Variants in CCDC148 observed in about 807,000 individuals in gnomAD.
CCDC148 encodes the protein coiled-coil domain containing 148, also known as coiled-coil domain-containing protein 148.
CCDC148 carries 89 observed loss-of-function variants against 85.7 expected under a neutral mutation model. The observed-to-expected ratio is 1.04, with a 90% confidence interval of 0.87 to 1.24. The LOEUF is 1.24. CCDC148 is among the 50% of genes most tolerant of loss of function. The pLI is 0.00. For synonymous variants in CCDC148, 230 were observed against 213.9 expected (o/e 1.08, Z -0.66); for missense variants, 692 against 671.7 (o/e 1.03, Z -0.33).
intron 7 of CCDC148, among the ~76,000 whole-genome samples, chr2:158,326,808 C>T (rs895013908): frequency 1.4e-4 from 22 of 152,164 alleles, no homozygotes; most frequent in Non-Finnish European, 2.9e-4. Flanking sequence ...GCATCTGGCT[C>T]CCCTCCCTCA....
At chr2:158,184,542 A>C (rs1685065756) in intron 11 of CCDC148, among the ~76,000 whole-genome samples, 2 of 152,142 alleles carry the variant, frequency 1.3e-5, no homozygotes, top group Admixed American at 1.3e-4. Context: ...AATTGTTCTT[A>C]ATAGTTTTTG....
At chr2:158,259,109 T>C (rs1689119815) in intron 9 of CCDC148, among the ~76,000 whole-genome samples, 1 of 151,736 alleles carries the variant, frequency 6.6e-6, no homozygotes, top group African/African-American at 2.4e-5. Context: ...GGAGTGTTCT[T>C]TCCCCCTCCC....
rs1378594487 is a variant in CCDC148, at chr2:158,406,803, TGTA to T, written c.26-48236_26-48234del. Among the ~76,000 whole-genome samples the T allele has an allele frequency of 3.3e-5, 5 of 151,752 alleles. 1 individual carries two copies. Among genetic ancestry groups the T allele is most frequent in the Admixed American group, 3.3e-4 (5 of 15,226 alleles). On this transcript the variant is annotated intron_variant, in intron 1 of 13. Transcript: ENST00000283233. The stretch of plus-strand genomic sequence containing the variant: ...ATGCCCAGCTAATGTTTGTATTACT[TGTA>T]GAGACAGGGTTTTGCCATGTTGCCT...
At chr2:158,407,842 A>C (rs1311409710) in intron 1 of CCDC148, among the ~76,000 whole-genome samples, 1 of 152,190 alleles carries the variant, frequency 6.6e-6, no homozygotes, top group Non-Finnish European at 1.5e-5. Flanking sequence ...TCTCAGAGGG[A>C]ATCTGTGACC....
At chr2:158,395,946 C>G (rs1249289414) in intron 1 of CCDC148, among the ~76,000 whole-genome samples, 2 of 152,092 alleles carry the variant, frequency 1.3e-5, no homozygotes, top group African/African-American at 4.8e-5. Flanking sequence ...AGTCTTTATA[C>G]AACATTTAAT....
At chr2:158,216,386 C>CCTT (rs1349261377) in intron 11 of CCDC148, among the ~76,000 whole-genome samples, 12 of 59,468 alleles carry the variant, frequency 2.0e-4, no homozygotes, top group Non-Finnish European at 3.2e-4. Flanking sequence ...AAGCACAATA[C>CCTT]TTTTTTTTTT....
Position 158,313,855 on chromosome 2 carries a change from C to G in CCDC148, c.804G>C (p.Gln268His). Residue 268 changes from glutamine to histidine, a missense_variant, in exon 8 of 14, where the codon CAG becomes CAC. Physicochemically the swap from Gln to His is conservative, Grantham distance 24. Coordinates refer to ENST00000283233, the MANE Select transcript of CCDC148 (RefSeq NM_138803.4). ...CTCCAGGGTACTGATCCAAAATAGC[C>G]TGGTAAATCCAGTGGTCTTCTTCAC... ...QLSEEDHWIY[Q>H]AILDQYPGDL... 1 of 1,613,816 alleles carries G rather than the reference C, an allele frequency of 6.2e-7. No individual in the cohort carries two copies. The highest frequency in any genetic ancestry group is 8.5e-7 in the Non-Finnish European group (1 of 1,179,880).
At chr2:158,439,289 T>C (rs1255804528) in intron 1 of CCDC148, among the ~76,000 whole-genome samples, 1 of 152,126 alleles carries the variant, frequency 6.6e-6, no homozygotes, top group Non-Finnish European at 1.5e-5. Context: ...TGGAATACTA[T>C]GCAGCCATAA....
At chr2:158,343,761 T>C (rs1370468838) in intron 3 of CCDC148, among the ~76,000 whole-genome samples, 2 of 152,226 alleles carry the variant, frequency 1.3e-5, no homozygotes, top group African/African-American at 2.4e-5. Context: ...TATCTCCTAT[T>C]GCTGTTAGCT....
chr2:158,216,977 T>C (rs1686895517), intron 11 of CCDC148, among the ~76,000 whole-genome samples: 1 of 152,122 alleles, frequency 6.6e-6, no homozygotes, highest in Non-Finnish European at 1.5e-5. Flanking sequence ...GGAAGTTAAA[T>C]AACTCATCTA....
chr2:158,274,734 G>C (rs1184016062), intron 9 of CCDC148, among the ~76,000 whole-genome samples: 1 of 152,140 alleles, frequency 6.6e-6, no homozygotes, highest in East Asian at 1.9e-4. Context: ...GTTTATAGCA[G>C]GAAAGTAACA....
At chr2:158,268,618 C>G (rs1286715315) in intron 9 of CCDC148, among the ~76,000 whole-genome samples, 1 of 152,102 alleles carries the variant, frequency 6.6e-6, no homozygotes, top group Non-Finnish European at 1.5e-5. Context: ...TATTCAAGCA[C>G]ATTTCAAATA....
intron 9 of CCDC148, among the ~76,000 whole-genome samples, chr2:158,293,192 G>A (rs893180144): frequency 6.6e-6 from 1 of 152,054 alleles, no homozygotes; most frequent in Non-Finnish European, 1.5e-5. Flanking sequence ...ATGTAATATG[G>A]GAGATGAGCA....
chr2:158,178,901 C>T lies in CCDC148; in HGVS notation c.1466G>A (p.Arg489Gln), dbSNP rs369318184. 1.2e-4 allele frequency: 192 copies of T among 1,613,256 alleles called. No homozygotes were observed. The highest frequency in any genetic ancestry group is 1.6e-4 in the African/African-American group (12 of 74,966). ...CACCTGTTTCCTAAGGGCTTCTAGCCGCCGTGCTCTCTCTTTGTCTTCATG... is the reference window on the plus strand; with the variant it reads ...CACCTGTTTCCTAAGGGCTTCTAGCTGCCGTGCTCTCTCTTTGTCTTCATG... ...EAHEDKERAR[R>Q]LEALRKQVAV... The change falls in exon 12 of 14, where the codon CGG (arginine) becomes CAG (glutamine). Residue 489 changes from arginine to glutamine, a missense_variant. Coordinates refer to ENST00000283233, the MANE Select transcript of CCDC148 (RefSeq NM_138803.4).
chr2:158,313,983 T>G (rs751981170), intron 7 of CCDC148, 89 bp from the exon 8 acceptor site: 57 of 1,293,962 alleles, frequency 4.4e-5, no homozygotes, highest in Admixed American at 1.5e-4. Flanking sequence ...CAAGTGATAG[T>G]AACGAAGCAA....
At chr2:158,209,995 C>T (rs908428647) in intron 11 of CCDC148, among the ~76,000 whole-genome samples, 7 of 152,086 alleles carry the variant, frequency 4.6e-5, no homozygotes, top group Non-Finnish European at 1.0e-4. Context: ...CTAAATGCCC[C>T]AATTAAAAGA....
intron 1 of CCDC148, among the ~76,000 whole-genome samples, chr2:158,360,070 C>A (rs1683863770): frequency 6.6e-6 from 1 of 152,228 alleles, no homozygotes; most frequent in African/African-American, 2.4e-5. Flanking sequence ...GAAGTTCCAA[C>A]TGGGCGGAGC....
At chr2:158,266,424 A>G (rs1321465217) in intron 9 of CCDC148, among the ~76,000 whole-genome samples, 2 of 152,166 alleles carry the variant, frequency 1.3e-5, no homozygotes, top group Non-Finnish European at 2.9e-5. Flanking sequence ...TGTATGCACA[A>G]TTTCCAAAAT....
At chr2:158,252,205 A>T (rs1574486901) in intron 9 of CCDC148, among the ~76,000 whole-genome samples, 2 of 151,958 alleles carry the variant, frequency 1.3e-5, no homozygotes, top group African/African-American at 4.8e-5. Flanking sequence ...AATACAATTA[A>T]TTAAAGTGAC....
Sources: allele counts gnomAD v4.1 joint callset (sites outside exome capture counted in the v4.1 genomes callset), GRCh38; gene constraint gnomAD v4.1.1; transcripts MANE v1.5; gene names NCBI Gene and HGNC (gene_info 2026-07-23, HGNC 2026-07-21).